Variants in TYW1 observed in about 807,000 individuals in gnomAD.
The protein encoded by TYW1 is tRNA-yW synthesizing protein 1 homolog.
A neutral mutation model predicts 96.2 loss-of-function variants in TYW1; 46 were observed. The ratio of observed to expected loss-of-function variants is 0.48; its 90% CI spans 0.38 to 0.61. TYW1 has a LOEUF of 0.61. Among genes scored for constraint, TYW1 ranks in the 20% least tolerant of loss-of-function variants. The pLI, the probability that TYW1 is intolerant of heterozygous loss-of-function variation, is 0.00. For synonymous variants in TYW1, 274 were observed against 323.0 expected (o/e 0.85, Z 1.63); for missense variants, 684 against 909.6 (o/e 0.75, Z 3.19).
intron 13 of TYW1, among the ~76,000 whole-genome samples, chr7:67,154,964 AT>A (rs1486695028): frequency 6.6e-6 from 1 of 151,894 alleles, no homozygotes; most frequent in Admixed American, 6.6e-5. Context: ...TCTCTTGTTG[AT>A]GCTCTTGATT....
intron 15 of TYW1, among the ~76,000 whole-genome samples, chr7:67,223,181 G>A (rs1052090238): frequency 2.0e-5 from 3 of 152,088 alleles, no homozygotes; most frequent in African/African-American, 7.3e-5. Flanking sequence ...CTTTCTCAGG[G>A]TGAGTTTCTG....
At chr7:67,115,789 G>A (rs895642031) in intron 12 of TYW1, among the ~76,000 whole-genome samples, 1 of 152,156 alleles carries the variant, frequency 6.6e-6, no homozygotes, top group Non-Finnish European at 1.5e-5. Flanking sequence ...ATAAAGTGGT[G>A]AATTGTATGG....
intron 13 of TYW1, among the ~76,000 whole-genome samples, chr7:67,148,414 A>T (rs1584620150): frequency 6.9e-6 from 1 of 145,268 alleles, no homozygotes. Context: ...AACAAGGTTT[A>T]CTTGAAAGTG....
intron 12 of TYW1, among the ~76,000 whole-genome samples, chr7:67,106,709 G>A (rs1253409395): frequency 1.3e-5 from 2 of 152,172 alleles, no homozygotes; most frequent in African/African-American, 2.4e-5. Flanking sequence ...TTTAGTCCAC[G>A]TTAACTGTTA....
chr7:67,109,815 G>A (rs571985836), intron 12 of TYW1, among the ~76,000 whole-genome samples: 1 of 152,332 alleles, frequency 6.6e-6, no homozygotes, highest in East Asian at 1.9e-4. Context: ...AGGAGGCGGA[G>A]GTTGCAGTGA....
In TYW1 at chr7:67,133,620, A is replaced by G. The variant is rs532538012; in HGVS notation, c.1698+16002A>G. 1.0e-4 allele frequency among the ~76,000 whole-genome samples: 14 copies of G among 138,700 alleles called. No homozygotes were observed. The East Asian group carries it at 2.3e-3, about 23-fold the overall frequency. The allele number at this position is 138,700 out of a possible 152,430, so 91.0% of individuals were successfully genotyped here. A position where few individuals can be genotyped will look rare whatever the true frequency, so the allele number is the denominator to read the frequency against. On this transcript the variant is annotated intron_variant, in intron 13 of 15. Transcript: ENST00000359626. ...GCTGAGCGAGTTTCCATCTCAAAAA[A>G]AAAAAAAAAGAAAAAAAAAAGTTTT...
At chr7:67,131,319 C>G (rs921257045) in intron 13 of TYW1, among the ~76,000 whole-genome samples, 2 of 152,158 alleles carry the variant, frequency 1.3e-5, no homozygotes, top group African/African-American at 4.8e-5. Flanking sequence ...ATGATGCCCT[C>G]TATTGTCATT....
chr7:67,210,764 G>GTCCA (rs1554394279), intron 15 of TYW1, among the ~76,000 whole-genome samples: 5,997 of 144,086 alleles, frequency 0.042, 210 homozygotes, highest in Middle Eastern at 0.098. Flanking sequence ...TCGTCTGTCC[G>GTCCA]TCCATCCATC....
intron 13 of TYW1, among the ~76,000 whole-genome samples, chr7:67,118,216 A>G (rs1797654999): frequency 1.3e-5 from 2 of 152,126 alleles, no homozygotes; most frequent in South Asian, 2.1e-4. Flanking sequence ...TATCCCAGCT[A>G]TTTGGGAGGC....
Position 67,024,902 on chromosome 7 carries a change from G to A in TYW1, c.864G>A (p.Glu288=), listed in dbSNP as rs1466223943. The change falls in exon 7 of 16, where the codon GAG becomes GAA. Residue 288 remains glutamate, a splice_region_variant and synonymous_variant. Coordinates refer to ENST00000359626, the MANE Select transcript of TYW1 (RefSeq NM_018264.4). ...TTTCTGAAGCATTTCTCTTCCAGGAGGAAGAACCCTTTGAGAGCTCCAGTG... is the reference window on the plus strand; with the variant it reads ...TTTCTGAAGCATTTCTCTTCCAGGAAGAAGAACCCTTTGAGAGCTCCAGTG... ...QDELHHRDTE[E]EEPFESSSEE... is the part of the protein sequence containing the mutation. The A allele has an allele frequency of 1.9e-6, 3 of 1,613,702 alleles. No individual in the cohort carries two copies. In the African/African-American group the frequency reaches 4.0e-5, roughly 22 times the overall value.
chr7:67,175,808 T>C (rs1310480930), intron 13 of TYW1, among the ~76,000 whole-genome samples: 1 of 152,210 alleles, frequency 6.6e-6, no homozygotes, highest in African/African-American at 2.4e-5. Flanking sequence ...CCCATAAAAG[T>C]CATACTTCTT....
chr7:67,040,737 G>T (rs1321770413), intron 7 of TYW1, among the ~76,000 whole-genome samples: 1 of 151,930 alleles, frequency 6.6e-6, no homozygotes, highest in African/African-American at 2.4e-5. Flanking sequence ...CCCAGCTACT[G>T]GGAGGCTGAG....
intron 13 of TYW1, among the ~76,000 whole-genome samples, chr7:67,181,728 TG>T (rs1433803423): frequency 6.6e-6 from 1 of 152,188 alleles, no homozygotes; most frequent in African/African-American, 2.4e-5. Context: ...TAGAACCACA[TG>T]CATCCCATCA....
At chr7:67,082,693 C>T (rs530152038) in intron 10 of TYW1, among the ~76,000 whole-genome samples, 59 of 151,754 alleles carry the variant, frequency 3.9e-4, no homozygotes, top group Non-Finnish European at 7.2e-4. Flanking sequence ...GTCCTTGGGC[C>T]CTGGCGTTGT....
intron 13 of TYW1, among the ~76,000 whole-genome samples, chr7:67,156,291 C>G (rs1798967562): frequency 1.3e-5 from 2 of 152,214 alleles, no homozygotes; most frequent in Non-Finnish European, 2.9e-5. Context: ...GACCAATCCT[C>G]AGGCCCCTGG....
At chr7:67,206,113 A>G (rs1800790684) in intron 15 of TYW1, among the ~76,000 whole-genome samples, 1 of 152,218 alleles carries the variant, frequency 6.6e-6, no homozygotes, top group South Asian at 2.1e-4. Flanking sequence ...AGTAATGCCA[A>G]TCCAGATGGG....
chr7:67,131,766 C>T (rs1283374446), intron 13 of TYW1, among the ~76,000 whole-genome samples: 1 of 152,214 alleles, frequency 6.6e-6, no homozygotes, highest in Non-Finnish European at 1.5e-5. Context: ...GCTGACAGTG[C>T]AGCCTTCAGT....
At chr7:67,189,373 T>G (rs1800131574) in intron 14 of TYW1, among the ~76,000 whole-genome samples, 1 of 150,758 alleles carries the variant, frequency 6.6e-6, no homozygotes. Context: ...TATGTGTGCA[T>G]GTATGTGTGT....
chr7:67,075,043 C>T (rs1318034437), intron 10 of TYW1, among the ~76,000 whole-genome samples: 1 of 152,108 alleles, frequency 6.6e-6, no homozygotes, highest in African/African-American at 2.4e-5. Context: ...CGGGCCTGAC[C>T]AATGACTGTG....
Sources: allele counts gnomAD v4.1 joint callset (sites outside exome capture counted in the v4.1 genomes callset), GRCh38; gene constraint gnomAD v4.1.1; transcripts MANE v1.5; gene names NCBI Gene and HGNC (gene_info 2026-07-23, HGNC 2026-07-21).